NXPH4: variants seen among roughly 807,000 people sequenced by gnomAD.
NXPH4 encodes the protein neurexophilin 4.
NXPH4 carries 8 observed loss-of-function variants against 21.3 expected under a neutral mutation model. The observed-to-expected ratio is 0.38, with a 90% CI of 0.22 to 0.68. The LOEUF is 0.68. Among genes scored for constraint, NXPH4 ranks in the 30% least tolerant of loss-of-function variants. The probability of loss-of-function intolerance (pLI) is 0.53; values close to 1 mark genes in which losing one functional copy is unlikely to be tolerated. For synonymous variants in NXPH4, 219 were observed against 192.6 expected, an observed-to-expected ratio of 1.14 and a Z score of -1.13; for missense variants, 418 against 416.8, an observed-to-expected ratio of 1.00 and a Z score of -0.03.
At chr12:57,221,953 CAGAG>C (rs910674509) in intron 1 of NXPH4, among the ~76,000 whole-genome samples, 12 of 152,056 alleles carry the variant, frequency 7.9e-5, no homozygotes, top group African/African-American at 2.9e-4. Context: ...AAATTTGAGA[CAGAG>C]ACAGTGAGAA....
chr12:57,223,166 A>G (rs989877180), intron 1 of NXPH4, among the ~76,000 whole-genome samples: 12 of 152,176 alleles, frequency 7.9e-5, no homozygotes, highest in Admixed American at 5.9e-4. Flanking sequence ...CACTTGTTCT[A>G]TGACTACGGA....
intron 1 of NXPH4, among the ~76,000 whole-genome samples, chr12:57,217,381 G>T (rs185525801): frequency 6.6e-6 from 1 of 152,308 alleles, no homozygotes; most frequent in East Asian, 1.9e-4. Context: ...CGCCAGTCTC[G>T]CTCGCCTGCC....
chr12:57,217,091 T>C, intron 1 of NXPH4, 65 bp downstream of exon 1: 1 of 1,379,420 alleles, frequency 7.2e-7, no homozygotes, highest in Non-Finnish European at 1.0e-6. Flanking sequence ...GGTCCCAGTG[T>C]GCGAGGGGCT....
At position 57,216,967 on chromosome 12, in the gene NXPH4, A is replaced by G; in HGVS notation, c.-3A>G. The stretch of plus-strand genomic sequence containing the variant: ...AGCCTGCCCCGCTCAGCCGCCAGAG[A>G]AGATGCGGCTGCTCCCGGAATGGTT... On this transcript the variant is annotated 5_prime_UTR_variant, in exon 1 of 2. Coordinates refer to ENST00000349394, the MANE Select transcript of NXPH4 (RefSeq NM_007224.4). The surrounding 1 kb of genome is among the most constrained non-coding windows in gnomAD (Gnocchi z 5.3). 1 of 1,597,480 alleles carries G rather than the reference A, an allele frequency of 6.3e-7. No individual in the cohort carries two copies. Among genetic ancestry groups the G allele is most frequent in the Non-Finnish European group, 8.5e-7 (1 of 1,172,776 alleles).
At chr12:57,223,009 G>A (rs917158135) in intron 1 of NXPH4, among the ~76,000 whole-genome samples, 24 of 152,232 alleles carry the variant, frequency 1.6e-4, no homozygotes, top group African/African-American at 4.3e-4. Context: ...CATGGGTGTG[G>A]GCAAACAGAG....
chr12:57,220,339 C>T (rs1025893806), intron 1 of NXPH4, among the ~76,000 whole-genome samples: 2 of 152,354 alleles, frequency 1.3e-5, no homozygotes, highest in East Asian at 3.9e-4. Context: ...ACCCCCACCG[C>T]GCCCCGGAGC....
In NXPH4 at chr12:57,224,935, G is replaced by T. The variant is rs752888652; in HGVS notation, c.115G>T (p.Ala39Ser). Residue 39 changes from alanine (A) to serine (S), a missense_variant, in exon 2 of 2, where the codon GCC (alanine) becomes TCC (serine). Physicochemically the swap from Ala to Ser is moderately conservative, Grantham distance 99. Coordinates refer to ENST00000349394, the MANE Select transcript of NXPH4 (RefSeq NM_007224.4). ...GRPQYLGLRP[A>S]AAGAGAPGQQ... ...GCCGCAGTACCTGGGGCTGCGCCCCGCCGCGGCCGGAGCGGGTGCCCCCGG... is the reference window on the plus strand; with the variant it reads ...GCCGCAGTACCTGGGGCTGCGCCCCTCCGCGGCCGGAGCGGGTGCCCCCGG... 4 of 1,378,810 alleles carry T rather than the reference G, an allele frequency of 2.9e-6. No individual in the cohort carries two copies. Among genetic ancestry groups the T allele is most frequent in the Non-Finnish European group, 3.8e-6 (4 of 1,058,478 alleles). 85.4% of individuals were successfully genotyped at this position (1,378,810 alleles called of 1,614,324 possible). A position where few individuals can be genotyped will look rare whatever the true frequency, so the allele number is the denominator to read the frequency against.
rs780533253 is a variant in NXPH4, at chr12:57,225,010, G to A, written c.190G>A (p.Ala64Thr). ...TTCGGACGGCCTAGGCGTGGGCCGC[G>A]CCTGGAGCTGGGCCTGGCCGACCAA... is the stretch of plus-strand genomic sequence containing the variant. ...RSSDGLGVGRAWSWAWPTNHT... is the reference protein window; with the variant it reads ...RSSDGLGVGRTWSWAWPTNHT... The change falls in exon 2 of 2, where the codon GCC (alanine) becomes ACC (threonine). Residue 64 changes from alanine to threonine, a missense_variant. Coordinates refer to ENST00000349394, the MANE Select transcript of NXPH4 (RefSeq NM_007224.4). The A allele has an allele frequency of 6.7e-7, 1 of 1,493,606 alleles. No individual in the cohort carries two copies. Among genetic ancestry groups the A allele is most frequent in the Non-Finnish European group, 8.9e-7 (1 of 1,121,256 alleles). The allele number at this position is 1,493,606 out of a possible 1,614,324, so 92.5% of individuals were successfully genotyped here. A position where few individuals can be genotyped will look rare whatever the true frequency, so the allele number is the denominator to read the frequency against.
In NXPH4 at chr12:57,217,909, T is replaced by C. The variant is rs571574376; in HGVS notation, c.57+883T>C. ...TACTGGGGCCGAGGGTACATGTGTA[T>C]ACTGGTGTGGTGTGTGGTGTTGGCT... On this transcript the variant is annotated intron_variant, in intron 1 of 1. Coordinates refer to ENST00000349394, the MANE Select transcript of NXPH4 (RefSeq NM_007224.4). Among the ~76,000 whole-genome samples, 6 of 152,342 alleles carry C rather than the reference T, an allele frequency of 3.9e-5. No homozygotes were observed. The East Asian group carries it at 1.2e-3, about 29-fold the overall frequency.
At position 57,224,858 on chromosome 12, in the gene NXPH4, T is replaced by A; in HGVS notation, c.58-20T>A. 1.4e-6 allele frequency: 1 copy of A among 723,894 alleles called. No individual in the cohort carries two copies. Among genetic ancestry groups the A allele is most frequent in the South Asian group, 3.2e-5 (1 of 31,686 alleles). The allele number at this position is 723,894 out of a possible 1,614,324, so 44.8% of individuals were successfully genotyped here. The stretch of plus-strand genomic sequence containing the variant: ...GGGGGACAACCCCAGCGTCTCTCTC[T>A]CCTCTTTCTTCGTGCACAGGCCGTC... On this transcript the variant is annotated intron_variant, in intron 1 of 1. Coordinates refer to ENST00000349394, the MANE Select transcript of NXPH4 (RefSeq NM_007224.4).
chr12:57,219,590 C>G (rs1026074560), intron 1 of NXPH4, among the ~76,000 whole-genome samples: 3 of 152,206 alleles, frequency 2.0e-5, no homozygotes, highest in African/African-American at 7.2e-5. Context: ...GCCAGCTACC[C>G]CCTCCTGCCT....
chr12:57,224,976 G>C lies in NXPH4; in HGVS notation c.156G>C (p.Glu52Asp), dbSNP rs1473065101. The C allele has an allele frequency of 1.3e-5, 19 of 1,454,264 alleles. No homozygotes were observed. The highest frequency in any genetic ancestry group is 1.7e-5 in the Non-Finnish European group (19 of 1,103,342). 90.1% of individuals were successfully genotyped at this position (1,454,264 alleles called of 1,614,324 possible). The change falls in exon 2 of 2, where the codon GAG becomes GAC. Residue 52 changes from glutamate to aspartate, a missense_variant. Glu to Asp is a conservative substitution (Grantham distance 45). Coordinates refer to ENST00000349394, the MANE Select transcript of NXPH4 (RefSeq NM_007224.4). ...GTGCCCCCGGCCAGCAGCTCCCAGA[G>C]CCAAGGTCTTCGGACGGCCTAGGCG... ...GAGAPGQQLP[E>D]PRSSDGLGVG...
intron 1 of NXPH4, among the ~76,000 whole-genome samples, chr12:57,218,332 A>G (rs2037058937): frequency 6.6e-6 from 1 of 152,134 alleles, no homozygotes; most frequent in Non-Finnish European, 1.5e-5. Flanking sequence ...TAGGCAGAGG[A>G]GCCCCTCCAT....
At chr12:57,217,424 C>T (rs1434857471) in intron 1 of NXPH4, among the ~76,000 whole-genome samples, 1 of 152,220 alleles carries the variant, frequency 6.6e-6, no homozygotes, top group African/African-American at 2.4e-5. Flanking sequence ...CCCCTCCACC[C>T]CCGCCTTCCC....
Position 57,225,443 on chromosome 12 carries a change from T to TCGGGGGCGCACTGG in NXPH4, c.629_642dup (p.Pro215AlafsTer166). The TCGGGGGCGCACTGG allele has an allele frequency of 1.2e-6, 2 of 1,603,640 alleles. No homozygotes were observed. The highest frequency in any genetic ancestry group is 1.7e-6 in the Non-Finnish European group (2 of 1,177,628). On this transcript the variant is annotated frameshift_variant, in exon 2 of 2. Coordinates refer to ENST00000349394, the MANE Select transcript of NXPH4 (RefSeq NM_007224.4). LOFTEE classifies it high-confidence loss of function. ...GCGGGGCCCGGGCTTGGGGGCTCCC[T>TCGGGGGCGCACTGG]CGGGGGCGCACTGGCGGGGCCGCTT...
At chr12:57,217,654 G>A (rs7487148) in intron 1 of NXPH4, among the ~76,000 whole-genome samples, 7,920 of 152,246 alleles carry the variant, frequency 0.052, 418 homozygotes, top group African/African-American at 0.13. Context: ...GTCTGGAAGG[G>A]GAGTCTCTCC....
intron 1 of NXPH4, among the ~76,000 whole-genome samples, chr12:57,223,997 C>T (rs2037117737): frequency 6.6e-6 from 1 of 152,270 alleles, no homozygotes; most frequent in Non-Finnish European, 1.5e-5. Context: ...GGCTTTCCTC[C>T]TCTGCTCAAC....
chr12:57,222,277 C>T (rs1006774655), intron 1 of NXPH4, among the ~76,000 whole-genome samples: 13 of 152,146 alleles, frequency 8.5e-5, no homozygotes, highest in African/African-American at 2.7e-4. Flanking sequence ...GAAGCACAGA[C>T]GGCACTTTGT....
In NXPH4 at chr12:57,225,551, G is replaced by T. The variant is rs865982196; in HGVS notation, c.731G>T (p.Arg244Leu). The T allele has an allele frequency of 1.2e-6, 2 of 1,613,130 alleles. No homozygotes were observed. Among genetic ancestry groups the T allele is most frequent in the Non-Finnish European group, 1.7e-6 (2 of 1,179,978 alleles). ...HVEYEKTNRA[R>L]KHRPCLYDPS... ...GAGTATGAGAAGACAAACCGCGCGC[G>T]CAAGCACCGACCGTGCCTGTACGAC... is the stretch of plus-strand genomic sequence containing the variant. Residue 244 changes from arginine (R) to leucine (L), a missense_variant, in exon 2 of 2, where the codon CGC becomes CTC. Transcript: ENST00000349394.
Sources: allele counts gnomAD v4.1 joint callset (sites outside exome capture counted in the v4.1 genomes callset), GRCh38; gene constraint gnomAD v4.1.1; non-coding constraint Gnocchi (gnomAD v3.1); transcripts MANE v1.5; gene names NCBI Gene and HGNC (gene_info 2026-07-23, HGNC 2026-07-21).